ZDHHC3: variants seen among roughly 807,000 people sequenced by gnomAD.
ZDHHC3 encodes palmitoyltransferase ZDHHC3.
In ZDHHC3, 9 loss-of-function variants were observed where a neutral mutation model predicts 30.6. The observed-to-expected ratio is 0.29, with a 90% confidence interval of 0.18 to 0.51. ZDHHC3 has a LOEUF of 0.51. ZDHHC3 is among the 20% of genes least tolerant of loss of function. The pLI, the probability that ZDHHC3 is intolerant of heterozygous loss-of-function variation, is 0.97. For synonymous variants in ZDHHC3, 136 were observed against 140.2 expected (o/e 0.97, Z 0.21); for missense variants, 246 against 384.2 (o/e 0.64, Z 3.01).
At chr3:44,936,486 C>G (rs1701972054) in intron 3 of ZDHHC3, among the ~76,000 whole-genome samples, 1 of 152,164 alleles carries the variant, frequency 6.6e-6, no homozygotes, top group Non-Finnish European at 1.5e-5. Flanking sequence ...ACCATTCAAC[C>G]CAGCAATCCC....
chr3:44,923,545 T>C lies in ZDHHC3; in HGVS notation c.*3144A>G, dbSNP rs938519176. ...GGCTGGGCCCAGTGGCTCACGCCTG[T>C]AATCCCAGGACTTTGGGAGGCTAAG... is the stretch of plus-strand genomic sequence containing the variant. On this transcript the variant is annotated 3_prime_UTR_variant, in exon 7 of 7. Transcript: ENST00000424952. The C allele has an allele frequency of 4.3e-5, 42 of 985,012 alleles. No individual in the cohort carries two copies. The highest frequency in any genetic ancestry group is 4.9e-5 in the Non-Finnish European group (41 of 829,720). 61.0% of individuals were successfully genotyped at this position (985,012 alleles called of 1,614,324 possible). A position where few individuals can be genotyped will look rare whatever the true frequency, so the allele number is the denominator to read the frequency against.
chr3:44,933,481 G>A (rs780466788), intron 4 of ZDHHC3: 168 of 560,900 alleles, frequency 3.0e-4, no homozygotes, highest in Middle Eastern at 4.8e-4. Context: ...CTGCCTGGGC[G>A]GGGGGTTCAA....
In ZDHHC3 at chr3:44,918,134, G is replaced by A. The variant is rs922293351; in HGVS notation, c.*8555C>T. 25 of 1,304,414 alleles carry A rather than the reference G, an allele frequency of 1.9e-5. No homozygotes were observed. The highest frequency in any genetic ancestry group is 1.4e-4 in the African/African-American group (9 of 65,784). The allele number at this position is 1,304,414 out of a possible 1,614,324, so 80.8% of individuals were successfully genotyped here. A position where few individuals can be genotyped will look rare whatever the true frequency, so the allele number is the denominator to read the frequency against. On this transcript the variant is annotated 3_prime_UTR_variant, in exon 7 of 7. Transcript: ENST00000424952. The stretch of plus-strand genomic sequence containing the variant: ...CTGGGCTGGTTCTTTCGTTTGAGGC[G>A]CTCGATGCCCTGCAGGGAGAAGGGG...
intron 3 of ZDHHC3, among the ~76,000 whole-genome samples, chr3:44,942,173 A>G (rs979011036): frequency 4.6e-5 from 7 of 152,270 alleles, no homozygotes; most frequent in Admixed American, 1.3e-4. Flanking sequence ...GTATGTGCAC[A>G]CATGCACCTT....
At chr3:44,928,043 C>A (rs947032433) in intron 6 of ZDHHC3, among the ~76,000 whole-genome samples, 1 of 152,240 alleles carries the variant, frequency 6.6e-6, no homozygotes, top group Non-Finnish European at 1.5e-5. Flanking sequence ...CTGGCTCCCC[C>A]AGACCGTGGC....
At chr3:44,960,279 C>A (rs1216662536) in intron 1 of ZDHHC3, among the ~76,000 whole-genome samples, 1 of 152,222 alleles carries the variant, frequency 6.6e-6, no homozygotes, top group Admixed American at 6.5e-5. Context: ...CACCTACATT[C>A]CAGCCCTGGC....
chr3:44,957,936 T>C (rs1224130749), intron 2 of ZDHHC3, among the ~76,000 whole-genome samples: 1 of 152,224 alleles, frequency 6.6e-6, no homozygotes, highest in Non-Finnish European at 1.5e-5. Flanking sequence ...AATGGTATCA[T>C]AAACATTTCT....
At chr3:44,951,123 TTTCTC>T (rs1477516369) in intron 2 of ZDHHC3, among the ~76,000 whole-genome samples, 1 of 152,208 alleles carries the variant, frequency 6.6e-6, no homozygotes, top group African/African-American at 2.4e-5. Context: ...CTTAAAGTCT[TTTCTC>T]TTTGTACTAA....
Position 44,919,027 on chromosome 3 carries a change from G to C in ZDHHC3, c.*7662C>G. The C allele has an allele frequency of 1.0e-6, 1 of 985,468 alleles. No homozygotes were observed. The highest frequency in any genetic ancestry group is 1.7e-5 in the African/African-American group (1 of 57,380). 61.0% of individuals were successfully genotyped at this position (985,468 alleles called of 1,614,324 possible). ...GGCACTGCTCCTTCACATGACTCAA[G>C]AAAGATCTCTGTGTATCTAGCACTT... On this transcript the variant is annotated 3_prime_UTR_variant, in exon 7 of 7. Transcript: ENST00000424952.
intron 2 of ZDHHC3, among the ~76,000 whole-genome samples, chr3:44,956,081 T>G (rs1441977375): frequency 6.6e-6 from 1 of 152,264 alleles, no homozygotes; most frequent in Non-Finnish European, 1.5e-5. Flanking sequence ...CATGCTGTTC[T>G]GCATCCACTG....
At chr3:44,975,688 G>A (rs1425461061) in intron 1 of ZDHHC3, among the ~76,000 whole-genome samples, 1 of 151,772 alleles carries the variant, frequency 6.6e-6, no homozygotes, top group Non-Finnish European at 1.5e-5. Flanking sequence ...ATGGAGGGGA[G>A]AAGAGCAGGG....
Position 44,923,676 on chromosome 3 carries a change from G to T in ZDHHC3, c.*3013C>A. 2 of 763,732 alleles carry T rather than the reference G, an allele frequency of 2.6e-6. No individual in the cohort carries two copies. Among genetic ancestry groups the T allele is most frequent in the Non-Finnish European group, 3.2e-6 (2 of 627,932 alleles). 47.3% of individuals were successfully genotyped at this position (763,732 alleles called of 1,614,324 possible). On this transcript the variant is annotated 3_prime_UTR_variant, in exon 7 of 7. Transcript: ENST00000424952. Reference sequence around the variant, plus strand: ...AAATTAGCCAGGCATGGTAGTACGTGCCTGTAGCCCTGGATATTCAGGAGG... The same window carrying T: ...AAATTAGCCAGGCATGGTAGTACGTTCCTGTAGCCCTGGATATTCAGGAGG...
chr3:44,963,259 C>T (rs1004502355), intron 1 of ZDHHC3, among the ~76,000 whole-genome samples: 4 of 152,080 alleles, frequency 2.6e-5, no homozygotes, highest in Non-Finnish European at 5.9e-5. Flanking sequence ...CACTGGTGAG[C>T]GAGAACCTGT....
intron 6 of ZDHHC3, among the ~76,000 whole-genome samples, chr3:44,928,238 A>G (rs1430079223): frequency 1.3e-5 from 2 of 152,224 alleles, no homozygotes; most frequent in Non-Finnish European, 2.9e-5. Flanking sequence ...AAAAGTTGCC[A>G]AAAGCCCCGC....
Position 44,920,353 on chromosome 3 carries a change from C to T in ZDHHC3, c.*6336G>A. On this transcript the variant is annotated 3_prime_UTR_variant, in exon 7 of 7. Coordinates refer to ENST00000424952, the MANE Select transcript of ZDHHC3 (RefSeq NM_001135179.2). ...CATCTGCAGCCTGTTGAGAAAGAGG[C>T]TTTAACTTCATAGCACGAGAGCTGG... 7.8e-7 allele frequency: 1 copy of T among 1,289,658 alleles called. No individual in the cohort carries two copies. Among genetic ancestry groups the T allele is most frequent in the Middle Eastern group, 2.1e-4 (1 of 4,690 alleles). The allele number at this position is 1,289,658 out of a possible 1,614,324, so 79.9% of individuals were successfully genotyped here. A position where few individuals can be genotyped will look rare whatever the true frequency, so the allele number is the denominator to read the frequency against.
intron 1 of ZDHHC3, among the ~76,000 whole-genome samples, chr3:44,973,040 A>T (rs1400303438): frequency 6.6e-6 from 1 of 152,174 alleles, no homozygotes; most frequent in Admixed American, 6.5e-5. Context: ...TGTTTAAAAT[A>T]TTGGGTTGCA....
intron 5 of ZDHHC3, among the ~76,000 whole-genome samples, chr3:44,932,342 G>A (rs1382919216): frequency 1.3e-5 from 2 of 152,152 alleles, no homozygotes; most frequent in African/African-American, 2.4e-5. Flanking sequence ...AAGTCAGCAT[G>A]TATAGGAAGA....
chr3:44,922,063 A>G lies in ZDHHC3; in HGVS notation c.*4626T>C. The G allele has an allele frequency of 1.0e-6, 1 of 985,420 alleles. No individual in the cohort carries two copies. The highest frequency in any genetic ancestry group is 1.2e-6 in the Non-Finnish European group (1 of 829,932). The allele number at this position is 985,420 out of a possible 1,614,324, so 61.0% of individuals were successfully genotyped here. A position where few individuals can be genotyped will look rare whatever the true frequency, so the allele number is the denominator to read the frequency against. ...CTCAAGTCAGCAAGATGTTTACTTG[A>G]GGGAGAGGGTGAGAAAAAGAAGGTT... On this transcript the variant is annotated 3_prime_UTR_variant, in exon 7 of 7. Transcript: ENST00000424952.
intron 2 of ZDHHC3, among the ~76,000 whole-genome samples, chr3:44,951,613 C>T (rs1320875137): frequency 6.6e-6 from 1 of 152,174 alleles, no homozygotes; most frequent in Non-Finnish European, 1.5e-5. Flanking sequence ...CTCAGGGCCC[C>T]CATACCATTA....
Sources: allele counts gnomAD v4.1 joint callset (sites outside exome capture counted in the v4.1 genomes callset), GRCh38; gene constraint gnomAD v4.1.1; transcripts MANE v1.5; gene names NCBI Gene and HGNC (gene_info 2026-07-23, HGNC 2026-07-21).